Variants in NOX3 observed in about 807,000 individuals in gnomAD.
NOX3 encodes the protein NADPH oxidase catalytic subunit-like 3.
In NOX3, 74 loss-of-function variants were observed where a neutral mutation model predicts 76.7. The observed-to-expected ratio is 0.96, with a 90% CI of 0.80 to 1.17. The LOEUF (loss-of-function observed/expected upper bound fraction) is 1.17, where lower values mean the gene tolerates loss of function less well. Ranked by LOEUF, NOX3 falls within the 50% of genes most tolerant of loss-of-function variation. The pLI is 0.00. For missense variants in NOX3, 695 were observed against 703.3 expected, an observed-to-expected ratio of 0.99 and a Z score of 0.13; for synonymous variants, 263 against 261.1, an observed-to-expected ratio of 1.01 and a Z score of -0.07.
intron 10 of NOX3, among the ~76,000 whole-genome samples, chr6:155,421,633 G>A (rs749157148): frequency 3.9e-5 from 6 of 152,042 alleles, no homozygotes; most frequent in South Asian, 2.1e-4. Context: ...GTGCGATCAC[G>A]GCTCACTGCT....
At chr6:155,412,358 A>G (rs1416135184) in intron 10 of NOX3, among the ~76,000 whole-genome samples, 7 of 152,328 alleles carry the variant, frequency 4.6e-5, no homozygotes, top group Non-Finnish European at 8.8e-5. Flanking sequence ...GATTTAATGA[A>G]TAGATCAAAT....
chr6:155,422,664 TGGA>T (rs760331545), intron 10 of NOX3, 27 bp downstream of exon 10: 1 of 1,608,676 alleles, frequency 6.2e-7, no homozygotes, highest in Non-Finnish European at 8.5e-7. Flanking sequence ...TTTTAATCCA[TGGA>T]AGGGTGAACT....
Position 155,455,256 on chromosome 6 carries a change from A to G in NOX3, c.49-127T>C, listed in dbSNP as rs1391331015. 8.1e-6 allele frequency: 5 copies of G among 615,868 alleles called. No individual in the cohort carries two copies. In the South Asian group the frequency reaches 9.0e-5, roughly 11 times the overall value. The allele number at this position is 615,868 out of a possible 1,614,324, so 38.2% of individuals were successfully genotyped here. ...TCAATATTAATCAGAATTACTCCAC[A>G]TATTTATTTCTCATAGATTAGTTTT... On this transcript the variant is annotated intron_variant, in intron 1 of 13. Transcript: ENST00000159060.
Position 155,437,318 on chromosome 6 carries a change from T to C in NOX3, c.669-771A>G, listed in dbSNP as rs1363814325. ...TCAGGGAATCTGGGAATTGTTCAGT[T>C]CCTAGGTGTTTGTGAATGAAATGCA... On this transcript the variant is annotated intron_variant, in intron 6 of 13. Coordinates refer to ENST00000159060, the MANE Select transcript of NOX3 (RefSeq NM_015718.3). 3.9e-5 allele frequency among the ~76,000 whole-genome samples: 6 copies of C among 152,160 alleles called. No homozygotes were observed. The East Asian group carries it at 7.7e-4, about 20-fold the overall frequency.
intron 10 of NOX3, among the ~76,000 whole-genome samples, chr6:155,421,147 G>C (rs941950874): frequency 1.3e-5 from 2 of 152,120 alleles, no homozygotes; most frequent in Non-Finnish European, 2.9e-5. Context: ...GGAGGAGCTG[G>C]GGGTCACGTC....
chr6:155,445,131 T>C (rs939946590), intron 4 of NOX3, among the ~76,000 whole-genome samples: 4 of 152,204 alleles, frequency 2.6e-5, no homozygotes, highest in African/African-American at 9.6e-5. Context: ...GACAACAACA[T>C]ACCGATGCTT....
chr6:155,424,550 G>A (rs1776732630), intron 9 of NOX3, among the ~76,000 whole-genome samples: 1 of 152,174 alleles, frequency 6.6e-6, no homozygotes, highest in South Asian at 2.1e-4. Context: ...GCCCATTTGA[G>A]CTTTACTATG....
intron 4 of NOX3, among the ~76,000 whole-genome samples, chr6:155,448,217 T>G (rs1171290840): frequency 1.3e-5 from 2 of 152,204 alleles, no homozygotes; most frequent in Non-Finnish European, 2.9e-5. Context: ...GGCTCCTGTG[T>G]CTTTCTCTGA....
At chr6:155,452,707 G>T (rs2114711626) in intron 4 of NOX3, among the ~76,000 whole-genome samples, 1 of 152,104 alleles carries the variant, frequency 6.6e-6, no homozygotes, top group Non-Finnish European at 1.5e-5. Flanking sequence ...TAGTTTGAGA[G>T]AAACAGTCCT....
Position 155,407,119 on chromosome 6 carries a change from G to A in NOX3, c.1580+11C>T. 1 of 1,613,890 alleles carries A rather than the reference G, an allele frequency of 6.2e-7. No homozygotes were observed. The highest frequency in any genetic ancestry group is 1.1e-5 in the South Asian group (1 of 91,074). ...GAGCCTGGCAGGGAGAGGAGCAAGA[G>A]CTTGCCTTACCTGGGGTGATTGTAG... On this transcript the variant is annotated intron_variant, in intron 12 of 13. Coordinates refer to ENST00000159060, the MANE Select transcript of NOX3 (RefSeq NM_015718.3).
intron 12 of NOX3, among the ~76,000 whole-genome samples, chr6:155,400,682 C>T (rs1261719883): frequency 6.7e-6 from 1 of 150,144 alleles, no homozygotes; most frequent in African/African-American, 2.5e-5. Context: ...TAATTTGTAG[C>T]AGCCTACGAC....
chr6:155,455,017 T>C lies in NOX3; in HGVS notation c.144+17A>G. ...TGTTTTCTGAAAAAATAATGTTTAA[T>C]CATAAACTGTACTTACACCCAAAAT... On this transcript the variant is annotated intron_variant, in intron 2 of 13. Transcript: ENST00000159060. 2 of 1,591,344 alleles carry C rather than the reference T, an allele frequency of 1.3e-6. No homozygotes were observed. The highest frequency in any genetic ancestry group is 1.7e-6 in the Non-Finnish European group (2 of 1,161,894).
rs988438016 is a variant in NOX3, at chr6:155,443,512, G to A, written c.341-94C>T. On this transcript the variant is annotated intron_variant, in intron 4 of 13. Transcript: ENST00000159060. ...AGTGTCTCTGTGCTCAAGTTTCTCT[G>A]TTCTGGTTTTTGTAATCTCCAAGGA... 4 of 1,428,358 alleles carry A rather than the reference G, an allele frequency of 2.8e-6. No individual in the cohort carries two copies. The African/African-American group carries it at 4.3e-5, about 15-fold the overall frequency. 88.5% of individuals were successfully genotyped at this position (1,428,358 alleles called of 1,614,324 possible).
chr6:155,411,071 AT>A, intron 11 of NOX3, 142 bp downstream of exon 11: 1 of 617,778 alleles, frequency 1.6e-6, no homozygotes, highest in Non-Finnish European at 2.5e-6. Flanking sequence ...ATCTGGTTTT[AT>A]TTTATTCTCC....
chr6:155,443,508 C>G, intron 4 of NOX3, 90 bp from the exon 5 acceptor site: 2 of 1,453,976 alleles, frequency 1.4e-6, no homozygotes, highest in Non-Finnish European at 1.8e-6. Context: ...GCTCAAGTTT[C>G]TCTGTTCTGG....
At chr6:155,453,370 T>C (rs770106775) in intron 4 of NOX3, 34 bp downstream of exon 4, 1 of 1,457,138 alleles carries the variant, frequency 6.9e-7, no homozygotes, top group South Asian at 1.1e-5. Context: ...CATCAGATAT[T>C]GTAAAATCCA....
chr6:155,426,986 T>TGTGC (rs199556445), intron 9 of NOX3, among the ~76,000 whole-genome samples: 1,449 of 84,244 alleles, frequency 0.017, 22 homozygotes, highest in Non-Finnish European at 0.022. Context: ...CACTGTGGCG[T>TGTGC]GTGTGTGTGT....
At chr6:155,437,148 C>T (rs138079029) in intron 6 of NOX3, among the ~76,000 whole-genome samples, 36 of 152,214 alleles carry the variant, frequency 2.4e-4, no homozygotes, top group African/African-American at 7.0e-4. Flanking sequence ...TCCTAATGAC[C>T]GGAGCACTGG....
chr6:155,437,454 A>G (rs1017513630), intron 6 of NOX3, among the ~76,000 whole-genome samples: 5 of 152,204 alleles, frequency 3.3e-5, no homozygotes, highest in African/African-American at 1.2e-4. Context: ...ATCACAGGGC[A>G]TGGGAGGAAG....
Sources: gnomAD v4.1 joint callset for allele counts (sites outside exome capture counted in the v4.1 genomes callset) on GRCh38, gnomAD v4.1.1 for gene constraint, MANE v1.5 for transcripts, NCBI Gene and HGNC (gene_info 2026-07-23, HGNC 2026-07-21) for gene names.